The following KCNJ6 variants were observed in gnomAD, a reference collection of about 807,000 sequenced individuals.
KCNJ6 encodes G protein-activated inward rectifier potassium channel 2.
A neutral mutation model predicts 34.2 loss-of-function variants in KCNJ6; 9 were observed. That is an observed-to-expected ratio of 0.26 (90% CI 0.16 to 0.46). The LOEUF (loss-of-function observed/expected upper bound fraction) is 0.46. Ranked by LOEUF, KCNJ6 falls within the 20% of genes least tolerant of loss-of-function variation. The probability of loss-of-function intolerance (pLI) is 1.00; values close to 1 mark genes in which losing one functional copy is unlikely to be tolerated. For missense variants in KCNJ6, 236 were observed against 531.3 expected, an observed-to-expected ratio of 0.44 and a Z score of 5.46; for synonymous variants, 196 against 207.1, an observed-to-expected ratio of 0.95 and a Z score of 0.46.
intron 3 of KCNJ6, among the ~76,000 whole-genome samples, chr21:37,653,343 C>T (rs2054442468): frequency 6.6e-6 from 1 of 152,118 alleles, no homozygotes; most frequent in African/African-American, 2.4e-5. Flanking sequence ...AGGATGGAGA[C>T]TGTGGTTGAA....
chr21:37,848,204 G>A (rs2055519698), intron 1 of KCNJ6, among the ~76,000 whole-genome samples: 1 of 152,206 alleles, frequency 6.6e-6, no homozygotes. Flanking sequence ...AAGGAAGATG[G>A]TGGGAGATGT....
intron 2 of KCNJ6, among the ~76,000 whole-genome samples, chr21:37,732,770 C>T (rs1038129039): frequency 2.0e-5 from 3 of 152,202 alleles, no homozygotes; most frequent in African/African-American, 7.2e-5. Flanking sequence ...AATTGAATTT[C>T]ATTTTCTCTG....
At chr21:37,770,448 G>A (rs1319924442) in intron 2 of KCNJ6, among the ~76,000 whole-genome samples, 6 of 152,088 alleles carry the variant, frequency 3.9e-5, no homozygotes, top group African/African-American at 1.4e-4. Context: ...ACCACTTGAG[G>A]TGATTGATCC....
chr21:37,668,507 C>T (rs1024364893), intron 3 of KCNJ6, among the ~76,000 whole-genome samples: 4 of 152,172 alleles, frequency 2.6e-5, no homozygotes, highest in African/African-American at 9.7e-5. Context: ...CTAATGGCCT[C>T]GTTTACCTTA....
At chr21:37,829,747 G>A (rs189436175) in intron 2 of KCNJ6, among the ~76,000 whole-genome samples, 1 of 152,352 alleles carries the variant, frequency 6.6e-6, no homozygotes, top group African/African-American at 2.4e-5. Flanking sequence ...ATGCGAGAGA[G>A]GAAGACACTG....
chr21:37,701,833 G>C (rs2054692653), intron 3 of KCNJ6, among the ~76,000 whole-genome samples: 1 of 152,190 alleles, frequency 6.6e-6, no homozygotes, highest in Admixed American at 6.5e-5. Context: ...GCAGGCAGGA[G>C]CCAGGCCAGG....
At chr21:37,769,578 G>A (rs370716111) in intron 2 of KCNJ6, among the ~76,000 whole-genome samples, 5 of 151,864 alleles carry the variant, frequency 3.3e-5, no homozygotes, top group South Asian at 2.1e-4. Context: ...CCACTGAGAC[G>A]CCTCCGAGAA....
chr21:37,767,011 A>G (rs1468437339), intron 2 of KCNJ6, among the ~76,000 whole-genome samples: 2 of 152,194 alleles, frequency 1.3e-5, no homozygotes, highest in Non-Finnish European at 1.5e-5. Context: ...ATTGTCTTCC[A>G]CAAAACTGGT....
intron 2 of KCNJ6, among the ~76,000 whole-genome samples, chr21:37,744,524 G>A (rs1347643095): frequency 6.6e-6 from 1 of 152,066 alleles, no homozygotes; most frequent in Non-Finnish European, 1.5e-5. Context: ...AGGAGAAAAG[G>A]GCAACAAAAC....
At chr21:37,861,066 T>G (rs557629184) in intron 1 of KCNJ6, among the ~76,000 whole-genome samples, 1 of 152,196 alleles carries the variant, frequency 6.6e-6, no homozygotes, top group South Asian at 2.1e-4. Flanking sequence ...ATTAATGATA[T>G]GAAAACCACT....
chr21:37,731,072 C>T (rs1028053649), intron 2 of KCNJ6, among the ~76,000 whole-genome samples: 2 of 146,264 alleles, frequency 1.4e-5, no homozygotes, highest in Admixed American at 1.4e-4. Context: ...GTCTTCTTTC[C>T]TTTCTGCCAT....
intron 1 of KCNJ6, among the ~76,000 whole-genome samples, chr21:37,878,311 A>C (rs145054942): frequency 6.6e-6 from 1 of 152,150 alleles, no homozygotes; most frequent in South Asian, 2.1e-4. Flanking sequence ...AACAGAGATA[A>C]TAAGTATTTT....
chr21:37,913,780 T>G (rs573634599), intron 1 of KCNJ6, among the ~76,000 whole-genome samples: 1 of 151,924 alleles, frequency 6.6e-6, no homozygotes, highest in Non-Finnish European at 1.5e-5. Context: ...ATCGAGCCAC[T>G]GCACTCTAGC....
At chr21:37,754,904 A>G (rs1258375610) in intron 2 of KCNJ6, among the ~76,000 whole-genome samples, 2 of 152,176 alleles carry the variant, frequency 1.3e-5, no homozygotes, top group Admixed American at 1.3e-4. Flanking sequence ...AGCAAGGCTA[A>G]GCCGCAGTGC....
chr21:37,853,615 T>C (rs1254993938), intron 1 of KCNJ6, among the ~76,000 whole-genome samples: 2 of 151,878 alleles, frequency 1.3e-5, no homozygotes, highest in Admixed American at 6.6e-5. Context: ...AAAGAGAAAA[T>C]ATATAGGCAA....
intron 3 of KCNJ6, among the ~76,000 whole-genome samples, chr21:37,626,130 C>CTTTTTTTTTTTTTTTTTTTT (rs10649366): frequency 1.4e-5 from 2 of 143,040 alleles, no homozygotes; most frequent in Non-Finnish European, 1.5e-5. Context: ...TTTCCCCCTT[C>CTTTTTTTTTTTTTTTTTTTT]TTTTTTTTTT....
At chr21:37,655,240 AGAGAGAGAGAGAGAGAG>A (rs1569438994) in intron 3 of KCNJ6, among the ~76,000 whole-genome samples, 33 of 8,838 alleles carry the variant, frequency 3.7e-3, no homozygotes, top group African/African-American at 4.3e-3. Flanking sequence ...AGAGAGAGAG[AGAGAGAGAGAGAGAGAG>A]AGAGAGAGAG....
At chr21:37,800,784 A>T (rs1002126345) in intron 2 of KCNJ6, among the ~76,000 whole-genome samples, 1 of 152,204 alleles carries the variant, frequency 6.6e-6, no homozygotes, top group Non-Finnish European at 1.5e-5. Flanking sequence ...ATTGTCAGTG[A>T]TGTACCCCCC....
At chr21:37,690,227 C>T (rs2054633540) in intron 3 of KCNJ6, among the ~76,000 whole-genome samples, 2 of 151,988 alleles carry the variant, frequency 1.3e-5, no homozygotes, top group African/African-American at 4.8e-5. Flanking sequence ...TATCATTTTC[C>T]ATGTAATTAT....
Sources: allele counts gnomAD v4.1 joint callset (sites outside exome capture counted in the v4.1 genomes callset), GRCh38; gene constraint gnomAD v4.1.1; transcripts MANE v1.5; gene names NCBI Gene and HGNC (gene_info 2026-07-23, HGNC 2026-07-21).